LRRTM4: variants seen among roughly 807,000 people sequenced by gnomAD.
The protein encoded by LRRTM4 is leucine-rich repeat transmembrane neuronal protein 4.
In LRRTM4, 25 loss-of-function variants were observed where a neutral mutation model predicts 47.6. The ratio of observed to expected loss-of-function variants is 0.53; its 90% confidence interval spans 0.38 to 0.73. The LOEUF is 0.73. Among genes scored for constraint, LRRTM4 ranks in the 30% least tolerant of loss-of-function variants. The pLI is 0.00. For missense variants in LRRTM4, 638 were observed against 713.4 expected (o/e 0.89, Z 1.20); for synonymous variants, 311 against 269.5 (o/e 1.15, Z -1.51).
intron 3 of LRRTM4, among the ~76,000 whole-genome samples, chr2:77,030,369 G>T (rs1231053302): frequency 6.6e-6 from 1 of 152,162 alleles, no homozygotes; most frequent in Non-Finnish European, 1.5e-5. Context: ...GGAGGCGGAG[G>T]TTGCAATGAG....
Position 77,169,622 on chromosome 2 carries a change from A to G in LRRTM4, c.1551+348696T>C, listed in dbSNP as rs535819393. ...GTTCTTGATAAAACAATGAAATTTG[A>G]CCCCCATTCTCTTTCTCTCTTGAAT... On this transcript the variant is annotated intron_variant, in intron 3 of 3. Transcript: ENST00000409884. Among the ~76,000 whole-genome samples, 9 of 152,064 alleles carry G rather than the reference A, an allele frequency of 5.9e-5. No homozygotes were observed. In the East Asian group the frequency reaches 1.7e-3, roughly 29 times the overall value.
intron 3 of LRRTM4, among the ~76,000 whole-genome samples, chr2:77,214,947 G>C (rs1174091341): frequency 6.6e-6 from 1 of 151,996 alleles, no homozygotes; most frequent in African/African-American, 2.4e-5. Context: ...GCCTTCTTTA[G>C]CTTAAATAAA....
intron 3 of LRRTM4, among the ~76,000 whole-genome samples, chr2:77,199,960 A>G (rs1234882694): frequency 6.6e-6 from 1 of 152,076 alleles, no homozygotes; most frequent in Admixed American, 6.6e-5. Flanking sequence ...TTTTGTTTCA[A>G]CAAAAGTTGC....
intron 3 of LRRTM4, among the ~76,000 whole-genome samples, chr2:77,470,942 A>G (rs1573458398): frequency 1.3e-5 from 2 of 152,132 alleles, no homozygotes; most frequent in Admixed American, 1.3e-4. Flanking sequence ...AGGACTCGCT[A>G]TTAGGACCTC....
At chr2:76,921,326 C>T (rs766821904) in intron 3 of LRRTM4, among the ~76,000 whole-genome samples, 1 of 151,972 alleles carries the variant, frequency 6.6e-6, no homozygotes, top group Non-Finnish European at 1.5e-5. Context: ...CCAGAAGTTC[C>T]CTTCTCAGCT....
At chr2:77,007,046 T>A (rs1489919774) in intron 3 of LRRTM4, among the ~76,000 whole-genome samples, 1 of 152,114 alleles carries the variant, frequency 6.6e-6, no homozygotes, top group Non-Finnish European at 1.5e-5. Context: ...TGTTCTTTAT[T>A]GTATGAACAG....
chr2:77,189,880 A>G (rs1018794285), intron 3 of LRRTM4, among the ~76,000 whole-genome samples: 4 of 152,142 alleles, frequency 2.6e-5, no homozygotes, highest in East Asian at 1.9e-4. Flanking sequence ...ATACACATAT[A>G]TAACTGACTA....
intron 3 of LRRTM4, among the ~76,000 whole-genome samples, chr2:77,052,624 A>T (rs1009437151): frequency 2.0e-5 from 3 of 152,024 alleles, no homozygotes; most frequent in African/African-American, 7.2e-5. Flanking sequence ...ACCATATTTT[A>T]TAATAGGTTA....
chr2:76,826,042 T>A (rs554240632), intron 3 of LRRTM4, among the ~76,000 whole-genome samples: 167 of 151,870 alleles, frequency 1.1e-3, no homozygotes, highest in Non-Finnish European at 1.9e-3. Context: ...ATTGAATGAA[T>A]AGAATTACAC....
At chr2:77,077,648 A>G (rs976203306) in intron 3 of LRRTM4, among the ~76,000 whole-genome samples, 1 of 152,190 alleles carries the variant, frequency 6.6e-6, no homozygotes, top group Non-Finnish European at 1.5e-5. Context: ...CAAGATCCAC[A>G]AAGACATCTA....
chr2:76,842,110 T>C (rs1671701579), intron 3 of LRRTM4, among the ~76,000 whole-genome samples: 1 of 152,180 alleles, frequency 6.6e-6, no homozygotes, highest in Non-Finnish European at 1.5e-5. Context: ...AGATGGCCCT[T>C]CCCATTATGG....
chr2:77,015,705 C>T (rs1678041570), intron 3 of LRRTM4, among the ~76,000 whole-genome samples: 1 of 152,042 alleles, frequency 6.6e-6, no homozygotes, highest in South Asian at 2.1e-4. Flanking sequence ...CACTCTTCTG[C>T]CTTGCAAATG....
intron 3 of LRRTM4, among the ~76,000 whole-genome samples, chr2:77,430,206 C>G (rs906972841): frequency 1.3e-5 from 2 of 152,238 alleles, no homozygotes; most frequent in Non-Finnish European, 2.9e-5. Flanking sequence ...AATTAGCTAG[C>G]TTTAGTTATT....
At chr2:77,101,131 T>A (rs1670942902) in intron 3 of LRRTM4, among the ~76,000 whole-genome samples, 1 of 152,080 alleles carries the variant, frequency 6.6e-6, no homozygotes, top group African/African-American at 2.4e-5. Flanking sequence ...TTTTAGTTAA[T>A]CTTACCATCT....
chr2:77,316,634 G>T (rs952865069), intron 3 of LRRTM4, among the ~76,000 whole-genome samples: 1 of 151,274 alleles, frequency 6.6e-6, no homozygotes, highest in East Asian at 1.9e-4. Context: ...TGCAACCCCT[G>T]CCTCCTAGAT....
chr2:76,796,667 C>A (rs1675343187), intron 3 of LRRTM4, among the ~76,000 whole-genome samples: 1 of 114,120 alleles, frequency 8.8e-6, no homozygotes, highest in Non-Finnish European at 1.7e-5. Context: ...TGTGCATCAC[C>A]ATCATCAAAG....
chr2:77,436,839 T>C (rs1261844130), intron 3 of LRRTM4, among the ~76,000 whole-genome samples: 1 of 151,934 alleles, frequency 6.6e-6, no homozygotes, highest in Non-Finnish European at 1.5e-5. Context: ...TGTTACTCTT[T>C]CTCTAAACAA....
rs183457868 is a variant in LRRTM4 at position 77,266,366 on chromosome 2, T to C, written c.1551+251952A>G. Among the ~76,000 whole-genome samples the C allele has an allele frequency of 2.0e-5, 3 of 152,042 alleles. No homozygotes were observed. The South Asian group carries it at 6.2e-4, about 31-fold the overall frequency. On this transcript the variant is annotated intron_variant, in intron 3 of 3. Coordinates refer to ENST00000409884, the MANE Select transcript of LRRTM4 (RefSeq NM_001134745.3). Reference sequence around the variant, plus strand: ...AAAAGGCAAAGATAAAATGAGATAATAACTTGGTGGAAAAAATGCATGAGA... The same window carrying C: ...AAAAGGCAAAGATAAAATGAGATAACAACTTGGTGGAAAAAATGCATGAGA...
At chr2:77,162,202 C>T (rs532271794) in intron 3 of LRRTM4, among the ~76,000 whole-genome samples, 1 of 152,312 alleles carries the variant, frequency 6.6e-6, no homozygotes, top group East Asian at 1.9e-4. Context: ...GGATCCCACA[C>T]CCACGGAGCC....
Sources: gnomAD v4.1 joint callset for allele counts (sites outside exome capture counted in the v4.1 genomes callset) on GRCh38, gnomAD v4.1.1 for gene constraint, MANE v1.5 for transcripts, NCBI Gene and HGNC (gene_info 2026-07-23, HGNC 2026-07-21) for gene names.